Variants in KDM3B observed in about 807,000 individuals in gnomAD.
KDM3B encodes the protein lysine demethylase 3B.
KDM3B carries 10 observed loss-of-function variants against 170.0 expected under a neutral mutation model. The observed-to-expected ratio is 0.06, with a 90% CI of 0.04 to 0.10. KDM3B has a LOEUF of 0.10. Ranked by LOEUF, KDM3B falls within the 10% of genes least tolerant of loss-of-function variation. The probability of loss-of-function intolerance (pLI) is 1.00; values close to 1 mark genes in which losing one functional copy is unlikely to be tolerated. For missense variants in KDM3B, 1,394 were observed against 2,195.2 expected, an observed-to-expected ratio of 0.64 and a Z score of 7.29; for synonymous variants, 831 against 834.8, an observed-to-expected ratio of 1.00 and a Z score of 0.08.
intron 14 of KDM3B, among the ~76,000 whole-genome samples, 169 bp downstream of exon 14, chr5:138,419,401 A>T (rs969516793): frequency 1.3e-5 from 2 of 152,074 alleles, no homozygotes; most frequent in African/African-American, 4.8e-5. Flanking sequence ...CACGCGTGTA[A>T]TCCCAGCACT....
In KDM3B at chr5:138,403,359, C is replaced by G. The variant is rs558498425; in HGVS notation, c.3199+3347C>G. On this transcript the variant is annotated intron_variant, in intron 11 of 23. Coordinates refer to ENST00000314358, the MANE Select transcript of KDM3B (RefSeq NM_016604.4). Reference sequence around the variant, plus strand: ...GATAATCAATCAATAGGAAAAAACCCCAGAATGACGGTGATAATAGAATAG... The same window carrying G: ...GATAATCAATCAATAGGAAAAAACCGCAGAATGACGGTGATAATAGAATAG... Among the ~76,000 whole-genome samples the G allele has an allele frequency of 1.1e-4, 16 of 152,164 alleles. No individual in the cohort carries two copies. The East Asian group carries it at 3.1e-3, about 29-fold the overall frequency.
intron 4 of KDM3B, among the ~76,000 whole-genome samples, chr5:138,378,450 AATT>A (rs755341825): frequency 2.0e-5 from 3 of 152,154 alleles, no homozygotes; most frequent in Non-Finnish European, 2.9e-5. Context: ...TAATGAAAAA[AATT>A]ATTAGCTTTC....
intron 11 of KDM3B, among the ~76,000 whole-genome samples, chr5:138,414,449 G>A (rs1210401115): frequency 6.6e-6 from 1 of 152,178 alleles, no homozygotes; most frequent in East Asian, 1.9e-4. Flanking sequence ...ACAGGCTTGA[G>A]CCACTGCGCC....
chr5:138,376,733 AGAGGTGGCTTCTCC>A (rs1285171028), intron 3 of KDM3B, among the ~76,000 whole-genome samples: 4 of 151,068 alleles, frequency 2.6e-5, no homozygotes, highest in Admixed American at 6.6e-5. Context: ...AAAAAAAGGC[AGAGGTGGCTTCTCC>A]GAGGTGGCTG....
rs77801270 is a variant in KDM3B, at chr5:138,360,981, T to G, written c.192+7994T>G. 6.1e-3 allele frequency among the ~76,000 whole-genome samples: 923 copies of G among 152,318 alleles called. 8 individuals carry two copies. Among genetic ancestry groups the G allele is most frequent in the African/African-American group, 0.021 (883 of 41,560 alleles). ...CCTTTTTTTTAAATACACAGCTTCC[T>G]GGGTCTCTTCTCCAACTTGTAGTTT... On this transcript the variant is annotated intron_variant, in intron 1 of 23. Transcript: ENST00000314358.
chr5:138,383,146 T>TC (rs1164792126), intron 6 of KDM3B, among the ~76,000 whole-genome samples: 1 of 146,008 alleles, frequency 6.8e-6, no homozygotes, highest in East Asian at 2.0e-4. Flanking sequence ...TGTTTTTTTC[T>TC]TTTTTTTTTT....
intron 11 of KDM3B, among the ~76,000 whole-genome samples, chr5:138,404,159 C>T (rs929402265): frequency 6.6e-6 from 1 of 152,058 alleles, no homozygotes; most frequent in African/African-American, 2.4e-5. Flanking sequence ...ACCAAACATA[C>T]AAGTAGAGTT....
chr5:138,397,175 C>T (rs2126958408), intron 9 of KDM3B, among the ~76,000 whole-genome samples: 1 of 152,024 alleles, frequency 6.6e-6, no homozygotes, highest in East Asian at 1.9e-4. Context: ...ACTAAAAATA[C>T]AAAAACAAAA....
Position 138,391,936 on chromosome 5 carries a change from C to G in KDM3B, c.2304C>G (p.Val768=). The change falls in exon 8 of 24, where the codon GTC becomes GTG. Residue 768 remains valine (V), a synonymous_variant. Coordinates refer to ENST00000314358, the MANE Select transcript of KDM3B (RefSeq NM_016604.4). The surrounding 1 kb of genome is among the most constrained non-coding windows in gnomAD (Gnocchi z 5.0). ...CCCTCCTCAAAACCTTTAGTAACGT[C>G]TTTGGCAGGCACTCAGGCGGCTTTC... ...DNPLLKTFSN[V]FGRHSGGFLS... The G allele has an allele frequency of 1.2e-6, 2 of 1,612,578 alleles. No homozygotes were observed. Among genetic ancestry groups the G allele is most frequent in the Non-Finnish European group, 1.7e-6 (2 of 1,178,674 alleles).
chr5:138,401,270 CAA>C (rs555563348), intron 11 of KDM3B, among the ~76,000 whole-genome samples: 19 of 132,552 alleles, frequency 1.4e-4, no homozygotes, highest in African/African-American at 4.3e-4. Flanking sequence ...GACTTCATCT[CAA>C]AAAAAAAAAA....
rs1039425574 is a variant in KDM3B, at chr5:138,377,706, T to C, written c.475-14T>C. ...TTTTAACATTCAGTTGTTTTCTTCT[T>C]TTATCTTTACCAGATGGGAACAGAT... On this transcript the variant is annotated splice_polypyrimidine_tract_variant and intron_variant, in intron 3 of 23. Transcript: ENST00000314358. The C allele has an allele frequency of 5.7e-6, 9 of 1,582,556 alleles. No homozygotes were observed. In the Admixed American group the frequency reaches 1.3e-4, roughly 24 times the overall value.
chr5:138,386,738 T>G, intron 7 of KDM3B, 117 bp downstream of exon 7: 1 of 1,341,640 alleles, frequency 7.5e-7, no homozygotes, highest in Non-Finnish European at 1.0e-6. Context: ...GAGATGTGCT[T>G]AAATTATACT....
At chr5:138,380,111 T>G (rs1762089806) in intron 5 of KDM3B, among the ~76,000 whole-genome samples, 2 of 152,042 alleles carry the variant, frequency 1.3e-5, no homozygotes, top group South Asian at 4.1e-4. Flanking sequence ...CCTCACCCTC[T>G]GGAGTAGCTG....
At chr5:138,426,950 T>C (rs1196410042) in intron 17 of KDM3B, 25 bp from the exon 18 acceptor site, 10 of 1,579,316 alleles carry the variant, frequency 6.3e-6, no homozygotes, top group Non-Finnish European at 7.0e-6. Flanking sequence ...AGCAGATGTT[T>C]GTGGGAGTAT....
intron 1 of KDM3B, among the ~76,000 whole-genome samples, chr5:138,358,121 G>A (rs1290972737): frequency 1.3e-5 from 2 of 149,896 alleles, no homozygotes; most frequent in Admixed American, 6.7e-5. Flanking sequence ...CCTCAGCCTC[G>A]CAAGTAGTTG....
In KDM3B at chr5:138,352,693, GC is replaced by G. The variant is rs1761356175; in HGVS notation, c.-101del. 1.5e-5 allele frequency: 14 copies of G among 940,020 alleles called. No individual in the cohort carries two copies. In the South Asian group the frequency reaches 6.1e-4, roughly 41 times the overall value. The allele number at this position is 940,020 out of a possible 1,614,324, so 58.2% of individuals were successfully genotyped here. A position where few individuals can be genotyped will look rare whatever the true frequency, so the allele number is the denominator to read the frequency against. The stretch of plus-strand genomic sequence containing the variant: ...TTGGGGGGGGTGGGGGGGAACGGCG[GC>G]CGCGGGTGGTGCGGAGGGAGGCCTT... On this transcript the variant is annotated 5_prime_UTR_variant, in exon 1 of 24. Transcript: ENST00000314358.
At position 138,415,204 on chromosome 5, in the gene KDM3B, A is replaced by C. The variant is rs371328452; in HGVS notation, c.3272A>C (p.Glu1091Ala). 4.9e-5 allele frequency: 79 copies of C among 1,609,922 alleles called. No individual in the cohort carries two copies. The highest frequency in any genetic ancestry group is 6.7e-5 in the Non-Finnish European group (79 of 1,177,028). ...KCAKGQSHEPENLMPTQIIPG... is the reference protein window; with the variant it reads ...KCAKGQSHEPANLMPTQIIPG... Reference sequence around the variant, plus strand: ...GCAAAGGGACAGTCCCACGAACCAGAGAATCTCATGCCCACACAAATTATT... The same window carrying C: ...GCAAAGGGACAGTCCCACGAACCAGCGAATCTCATGCCCACACAAATTATT... The change falls in exon 12 of 24, where the codon GAG becomes GCG. Residue 1091 changes from glutamate (E) to alanine (A), a missense_variant. Transcript: ENST00000314358.
Position 138,420,861 on chromosome 5 carries a change from T to C in KDM3B, c.3871T>C (p.Ser1291Pro), listed in dbSNP as rs2126994153. The C allele has an allele frequency of 6.2e-7, 1 of 1,613,980 alleles. No homozygotes were observed. Among genetic ancestry groups the C allele is most frequent in the Middle Eastern group, 1.6e-4 (1 of 6,062 alleles). Residue 1291 changes from serine to proline, a missense_variant, in exon 15 of 24, where the codon TCT becomes CCT. Physicochemically the swap from Ser to Pro is moderately conservative, Grantham distance 74. This residue lies in a region of KDM3B where 137 missense variants were observed against 166.9 expected (regional missense o/e 0.82). Coordinates refer to ENST00000314358, the MANE Select transcript of KDM3B (RefSeq NM_016604.4). ...TGCCTCCAACAACAAAACCGAAGGG[T>C]CTAGCCTTCGAGACCTCCTTCACTC... ...PTASNNKTEG[S>P]SLRDLLHSGP...
chr5:138,424,172 G>A lies in KDM3B; in HGVS notation c.4070G>A (p.Cys1357Tyr), dbSNP rs370781745. The change falls in exon 16 of 24, where the codon TGC (cysteine) becomes TAC (tyrosine). Residue 1357 changes from cysteine (C) to tyrosine (Y), a missense_variant. Cys to Tyr is a radical substitution (Grantham distance 194). Around this residue, in one of 19 missense-constraint regions of KDM3B, gnomAD observed 137 missense variants for 166.9 expected, o/e 0.82. Coordinates refer to ENST00000314358, the MANE Select transcript of KDM3B (RefSeq NM_016604.4). ...ACCTCAGATGCTTCAAAGCGGGCCT[G>A]CAACTTGACTGATACCCAGAAGGAA... Reference protein sequence around the residue: ...KKTSDASKRACNLTDTQKEVK... With the variant: ...KKTSDASKRAYNLTDTQKEVK... The A allele has an allele frequency of 1.2e-6, 2 of 1,614,002 alleles. No individual in the cohort carries two copies. The highest frequency in any genetic ancestry group is 2.7e-5 in the African/African-American group (2 of 74,920).
Sources: gnomAD v4.1 joint callset for allele counts (sites outside exome capture counted in the v4.1 genomes callset) on GRCh38, gnomAD v4.1.1 for gene constraint, gnomAD v4.1.1 regional missense constraint, Gnocchi (gnomAD v3.1) non-coding constraint, MANE v1.5 for transcripts, NCBI Gene and HGNC (gene_info 2026-07-23, HGNC 2026-07-21) for gene names.